The following GMIP variants were observed in gnomAD, a reference collection of about 807,000 sequenced individuals.
GMIP encodes GEM interacting protein.
Under a neutral mutation model 105.3 loss-of-function variants are expected in GMIP, and 54 were observed. That is an observed-to-expected ratio of 0.51 (90% CI 0.41 to 0.64). GMIP has a LOEUF of 0.64. GMIP is among the 30% of genes least tolerant of loss of function. The pLI is 0.00. For missense variants in GMIP, 1,110 were observed against 1,319.4 expected (o/e 0.84, Z 2.46); for synonymous variants, 541 against 560.8 (o/e 0.96, Z 0.50).
chr19:19,640,581 A>T lies in GMIP; in HGVS notation c.239-10T>A. On this transcript the variant is annotated splice_polypyrimidine_tract_variant and intron_variant, in intron 4 of 20. Coordinates refer to ENST00000203556, the MANE Select transcript of GMIP (RefSeq NM_016573.4). ...AAGTCCAGTTCCTCCCCTGGGGAAG[A>T]TGGATGGACCTCTGACCTTTGCACC... 6.2e-7 allele frequency: 1 copy of T among 1,613,764 alleles called. No individual in the cohort carries two copies. The highest frequency in any genetic ancestry group is 1.7e-4 in the Middle Eastern group (1 of 5,938).
rs753635643 is a variant in GMIP, at chr19:19,633,854, G to A, written c.2421C>T (p.Asp807=). The A allele has an allele frequency of 6.7e-7, 1 of 1,500,808 alleles. No homozygotes were observed. The highest frequency in any genetic ancestry group is 2.3e-5 in the East Asian group (1 of 43,260). The allele number at this position is 1,500,808 out of a possible 1,614,324, so 93.0% of individuals were successfully genotyped here. Residue 807 remains aspartate (D), a synonymous_variant, in exon 19 of 21, where the codon GAC becomes GAT. Coordinates refer to ENST00000203556, the MANE Select transcript of GMIP (RefSeq NM_016573.4). The part of the protein sequence containing the change: ...PPVLASDPGP[D]PQHHSTLEQH... ...GCTCCAGGGTACTGTGGTGCTGGGG[G>A]TCTGGGCCGGGGTCTGAGGCTAGGA...
chr19:19,635,363 G>A lies in GMIP; in HGVS notation c.1560+52C>T. 6.3e-7 allele frequency: 1 copy of A among 1,585,182 alleles called. No individual in the cohort carries two copies. The highest frequency in any genetic ancestry group is 8.6e-7 in the Non-Finnish European group (1 of 1,162,094). On this transcript the variant is annotated intron_variant, in intron 15 of 20. Transcript: ENST00000203556. The surrounding 1 kb of genome is among the most constrained non-coding windows in gnomAD (Gnocchi z 4.7). ...AAAGGCTGTAGGAATCTCAGGTCAGGGAGATGATCAAGGGTCAGCAAAGGT... is the reference window on the plus strand; with the variant it reads ...AAAGGCTGTAGGAATCTCAGGTCAGAGAGATGATCAAGGGTCAGCAAAGGT...
Position 19,635,019 on chromosome 19 carries a change from C to T in GMIP, c.1749+6G>A, listed in dbSNP as rs1346003297. On this transcript the variant is annotated splice_donor_region_variant and intron_variant, in intron 16 of 20. Transcript: ENST00000203556. The surrounding 1 kb of genome is among the most constrained non-coding windows in gnomAD (Gnocchi z 4.7). ...TTCTGGGGATGATGAAGGGTCAGGG[C>T]AGCACCTGCACATCCAGGGCACGGT... The T allele has an allele frequency of 1.9e-6, 3 of 1,613,524 alleles. No homozygotes were observed. Among genetic ancestry groups the T allele is most frequent in the Admixed American group, 3.3e-5 (2 of 59,998 alleles).
At chr19:19,641,225 C>A (rs1028170431) in intron 4 of GMIP, among the ~76,000 whole-genome samples, 1 of 152,156 alleles carries the variant, frequency 6.6e-6, no homozygotes, top group East Asian at 1.9e-4. Flanking sequence ...GGACTACAGG[C>A]ACTCGCCACT....
rs2304128 is a variant in GMIP at position 19,635,342 on chromosome 19, G to T, written c.1560+73C>A. On this transcript the variant is annotated intron_variant, in intron 15 of 20. Coordinates refer to ENST00000203556, the MANE Select transcript of GMIP (RefSeq NM_016573.4). The surrounding 1 kb of genome is among the most constrained non-coding windows in gnomAD (Gnocchi z 4.7). ...TAGGGTGGGTCCCAGGGGCAGAAAGGCTGTAGGAATCTCAGGTCAGGGAGA... is the reference window on the plus strand; with the variant it reads ...TAGGGTGGGTCCCAGGGGCAGAAAGTCTGTAGGAATCTCAGGTCAGGGAGA... 136,656 of 1,563,630 alleles carry T rather than the reference G, an allele frequency of 0.087. 6,512 individuals carry two copies. The highest frequency in any genetic ancestry group is 0.17 in the African/African-American group (12,644 of 74,076).
At position 19,630,987 on chromosome 19, in the gene GMIP, G is replaced by C. The variant is rs144876973; in HGVS notation, c.2473-450C>G. Among the ~76,000 whole-genome samples the C allele has an allele frequency of 4.0e-3, 612 of 151,980 alleles. 9 individuals carry two copies. The highest frequency in any genetic ancestry group is 0.014 in the African/African-American group (575 of 41,442). ...AGGCTGAGGTTGGTGGATTATCTGA[G>C]GTCAGGAGTTCGGGACCAGCCTGGC... On this transcript the variant is annotated intron_variant, in intron 19 of 20. Transcript: ENST00000203556. The surrounding 1 kb of genome is among the most constrained non-coding windows in gnomAD (Gnocchi z 4.8).
chr19:19,637,783 G>C lies in GMIP; in HGVS notation c.927+137C>G. Reference sequence around the variant, plus strand: ...TCATGGGGCGGAGCCGAGACAGTGGGTCTGGGGGCGGGAACTGGCTGTCGA... The same window carrying C: ...TCATGGGGCGGAGCCGAGACAGTGGCTCTGGGGGCGGGAACTGGCTGTCGA... On this transcript the variant is annotated intron_variant, in intron 10 of 20. Coordinates refer to ENST00000203556, the MANE Select transcript of GMIP (RefSeq NM_016573.4). This position sits in a 1 kb window ranked among gnomAD's most constrained non-coding sequence, Gnocchi z 6.7. The C allele has an allele frequency of 1.0e-6, 1 of 989,776 alleles. No homozygotes were observed. The highest frequency in any genetic ancestry group is 1.5e-6 in the Non-Finnish European group (1 of 674,282). 61.3% of individuals were successfully genotyped at this position (989,776 alleles called of 1,614,324 possible).
At position 19,634,707 on chromosome 19, in the gene GMIP, G is replaced by C; in HGVS notation, c.1888-4C>G. The C allele has an allele frequency of 6.2e-7, 1 of 1,608,408 alleles. No homozygotes were observed. Among genetic ancestry groups the C allele is most frequent in the Non-Finnish European group, 8.5e-7 (1 of 1,175,824 alleles). ...AGGGGATCACGGGCTCGGTGAGCTG[G>C]GGGTGGAACGGAGGGCGCAACACGA... On this transcript the variant is annotated splice_polypyrimidine_tract_variant and splice_region_variant and intron_variant, in intron 17 of 20. Transcript: ENST00000203556. This position sits in a 1 kb window ranked among gnomAD's most constrained non-coding sequence, Gnocchi z 6.1.
rs2061923678 is a variant in GMIP at position 19,641,868 on chromosome 19, C to G, written c.181-1G>C. ...CGCTCCAACAGCTGGCTTCGTTGGT[C>G]TGTGCGGGAGGGAGACAGTATTCAG... On this transcript the variant is annotated splice_acceptor_variant, in intron 3 of 20. Transcript: ENST00000203556. LOFTEE classifies it high-confidence loss of function. 6.2e-7 allele frequency: 1 copy of G among 1,613,328 alleles called. No individual in the cohort carries two copies. Among genetic ancestry groups the G allele is most frequent in the Non-Finnish European group, 8.5e-7 (1 of 1,179,840 alleles).
intron 1 of GMIP, 33 bp downstream of exon 1, chr19:19,643,478 G>C: frequency 1.3e-6 from 2 of 1,534,246 alleles, no homozygotes; most frequent in Non-Finnish European, 1.8e-6. Flanking sequence ...GGGATGGTCG[G>C]GGGAGGCCCC....
rs1027915501 is a variant in GMIP, at chr19:19,634,771, C to G, written c.1887+21G>C. ...GTGGAGGGCTCCTGCCCGCGTCCCC[C>G]TCAGTGTCCTGAGCACCAACCTCCT... On this transcript the variant is annotated intron_variant, in intron 17 of 20. Transcript: ENST00000203556. The surrounding 1 kb of genome is among the most constrained non-coding windows in gnomAD (Gnocchi z 6.1). The G allele has an allele frequency of 6.2e-7, 1 of 1,613,132 alleles. No individual in the cohort carries two copies. Among genetic ancestry groups the G allele is most frequent in the Non-Finnish European group, 8.5e-7 (1 of 1,179,638 alleles).
chr19:19,642,647 C>T (rs529581870), intron 1 of GMIP, 28 bp from the exon 2 acceptor site: 8 of 1,212,860 alleles, frequency 6.6e-6, no homozygotes, highest in Middle Eastern at 2.0e-4. Flanking sequence ...AATACATGGG[C>T]TAACCACTGC....
chr19:19,642,106 G>C, intron 2 of GMIP, 55 bp from the exon 3 acceptor site: 1 of 1,183,338 alleles, frequency 8.5e-7, no homozygotes, highest in Non-Finnish European at 1.2e-6. Flanking sequence ...GTCCTGCCAA[G>C]GGGTGCTGGG....
Position 19,637,125 on chromosome 19 carries a change from G to C in GMIP, c.1125-96C>G. On this transcript the variant is annotated intron_variant, in intron 11 of 20. Transcript: ENST00000203556. The surrounding 1 kb of genome is among the most constrained non-coding windows in gnomAD (Gnocchi z 6.7). ...GTCTAGGTACCAACTCCAAGCACTTGGGTCTGCAAACCCTGACACCCAGGG... is the reference window on the plus strand; with the variant it reads ...GTCTAGGTACCAACTCCAAGCACTTCGGTCTGCAAACCCTGACACCCAGGG... 3 of 815,076 alleles carry C rather than the reference G, an allele frequency of 3.7e-6. No individual in the cohort carries two copies. The highest frequency in any genetic ancestry group is 6.0e-6 in the Non-Finnish European group (3 of 502,312). 50.5% of individuals were successfully genotyped at this position (815,076 alleles called of 1,614,324 possible). A position where few individuals can be genotyped will look rare whatever the true frequency, so the allele number is the denominator to read the frequency against.
chr19:19,642,661 C>A (rs2061935157), intron 1 of GMIP, 42 bp from the exon 2 acceptor site: 2 of 985,718 alleles, frequency 2.0e-6, no homozygotes, highest in South Asian at 1.4e-5. Flanking sequence ...CCACTGCCTC[C>A]CTCCACCCAC....
chr19:19,632,700 G>C (rs923593688), intron 19 of GMIP, among the ~76,000 whole-genome samples: 3 of 152,196 alleles, frequency 2.0e-5, no homozygotes, highest in Non-Finnish European at 2.9e-5. Context: ...CACAGCAGGT[G>C]CACATTCAGT....
At position 19,640,367 on chromosome 19, in the gene GMIP, G is replaced by A. The variant is rs1461370320; in HGVS notation, c.365-7C>T. On this transcript the variant is annotated splice_region_variant and splice_polypyrimidine_tract_variant and intron_variant, in intron 5 of 20. Coordinates refer to ENST00000203556, the MANE Select transcript of GMIP (RefSeq NM_016573.4). ...CTCTTAGCAAACTCCAGCTCTGGGGGAAGAGAGAGCCGGGCTCTGGGTCTA... is the reference window on the plus strand; with the variant it reads ...CTCTTAGCAAACTCCAGCTCTGGGGAAAGAGAGAGCCGGGCTCTGGGTCTA... 1.1e-5 allele frequency: 17 copies of A among 1,613,942 alleles called. No individual in the cohort carries two copies. Among genetic ancestry groups the A allele is most frequent in the East Asian group, 2.2e-5 (1 of 44,894 alleles).
chr19:19,634,249 G>T lies in GMIP; in HGVS notation c.2085-59C>A. The T allele has an allele frequency of 1.3e-6, 2 of 1,494,842 alleles. No homozygotes were observed. The highest frequency in any genetic ancestry group is 1.8e-6 in the Non-Finnish European group (2 of 1,119,324). The allele number at this position is 1,494,842 out of a possible 1,614,324, so 92.6% of individuals were successfully genotyped here. On this transcript the variant is annotated intron_variant, in intron 18 of 20. Coordinates refer to ENST00000203556, the MANE Select transcript of GMIP (RefSeq NM_016573.4). This position sits in a 1 kb window ranked among gnomAD's most constrained non-coding sequence, Gnocchi z 6.1. ...AGGATGCAAGCTCATTGGTCTGAGG[G>T]TAAGGGTGGGACACGCAGGCCAGCC...
chr19:19,639,676 C>G (rs919262077), intron 7 of GMIP, among the ~76,000 whole-genome samples: 8 of 151,738 alleles, frequency 5.3e-5, no homozygotes, highest in African/African-American at 1.9e-4. Context: ...TGGTGAAACC[C>G]CATCTGTACT....
Sources: allele counts gnomAD v4.1 joint callset (sites outside exome capture counted in the v4.1 genomes callset), GRCh38; gene constraint gnomAD v4.1.1; non-coding constraint Gnocchi (gnomAD v3.1); transcripts MANE v1.5; gene names NCBI Gene and HGNC (gene_info 2026-07-23, HGNC 2026-07-21).